The following PDIK1L variants were observed in gnomAD, a reference collection of about 807,000 sequenced individuals.
PDIK1L encodes the protein serine/threonine-protein kinase PDIK1L.
In PDIK1L, 9 loss-of-function variants were observed where a neutral mutation model predicts 27.1. The observed-to-expected ratio is 0.33, with a 90% CI of 0.20 to 0.58. The LOEUF (loss-of-function observed/expected upper bound fraction) is 0.58, where lower values mean the gene tolerates loss of function less well. PDIK1L is among the 20% of genes least tolerant of loss of function. PDIK1L has a pLI of 0.86. For synonymous variants in PDIK1L, 130 were observed against 141.7 expected (o/e 0.92, Z 0.59); for missense variants, 216 against 413.2 (o/e 0.52, Z 4.14).
Position 26,124,299 on chromosome 1 carries a change from A to C in PDIK1L, c.*1722A>C, listed in dbSNP as rs887856188. 6.6e-6 allele frequency: 1 copy of C among 152,226 alleles called. No individual in the cohort carries two copies. The highest frequency in any genetic ancestry group is 1.5e-5 in the Non-Finnish European group (1 of 68,026). 9.4% of individuals were successfully genotyped at this position (152,226 alleles called of 1,614,324 possible). ...GAAATAAAGCCTCTTAAAATGAAAA[A>C]TCATATACTTTTAACATCACTTTTA... On this transcript the variant is annotated 3_prime_UTR_variant, in exon 3 of 3. Transcript: ENST00000374269.
At chr1:26,116,761 G>T (rs2124470451) in intron 2 of PDIK1L, among the ~76,000 whole-genome samples, 1 of 152,272 alleles carries the variant, frequency 6.6e-6, no homozygotes. Flanking sequence ...TGTCGCCCAG[G>T]CTGGAGCGCA....
At chr1:26,111,250 G>C (rs55960411), upstream of PDIK1L, 25,407 of 154,056 alleles carry the variant, frequency 0.16, 2,289 homozygotes, top group Middle Eastern at 0.24. This position sits in a 1 kb window ranked among gnomAD's most constrained non-coding sequence, Gnocchi z 4.0. Flanking sequence ...GTGACTCGGA[G>C]AAAAGCTGCA....
At chr1:26,117,991 CG>C (rs2087909490) in intron 2 of PDIK1L, among the ~76,000 whole-genome samples, 1 of 150,264 alleles carries the variant, frequency 6.7e-6, no homozygotes, top group Admixed American at 6.7e-5. Context: ...GCCTTGGAGG[CG>C]GAAGTTACAG....
upstream of PDIK1L, chr1:26,111,533 C>G (rs1443455896): frequency 6.6e-6 from 1 of 151,434 alleles, no homozygotes; most frequent in African/African-American, 2.4e-5. This position sits in a 1 kb window ranked among gnomAD's most constrained non-coding sequence, Gnocchi z 4.0. Context: ...CCTGAGCGCC[C>G]GCTGCGGCTG....
chr1:26,120,713 G>A (rs907531333), intron 2 of PDIK1L, among the ~76,000 whole-genome samples: 1 of 152,194 alleles, frequency 6.6e-6, no homozygotes, highest in Non-Finnish European at 1.5e-5. Context: ...CAGCACTTTG[G>A]GAGGCCGAGG....
chr1:26,119,730 A>G (rs1366174768), intron 2 of PDIK1L, among the ~76,000 whole-genome samples: 1 of 152,000 alleles, frequency 6.6e-6, no homozygotes, highest in Non-Finnish European at 1.5e-5. Context: ...ATAGTGGCGC[A>G]TGCCTGTAGT....
chr1:26,118,875 ATTT>A (rs1387189097), intron 2 of PDIK1L, among the ~76,000 whole-genome samples: 3 of 152,228 alleles, frequency 2.0e-5, no homozygotes, highest in Admixed American at 6.5e-5. Context: ...CTCCATACGG[ATTT>A]TAATTTTTCT....
rs180970754 is a variant in PDIK1L, at chr1:26,117,054, C to T, written c.285+2461C>T. On this transcript the variant is annotated intron_variant, in intron 2 of 2. Transcript: ENST00000374269. ...TTTTTTTTTTTTTTCTTTTTTGAGACAGAGTCTTGCTCTGTCGCTCAGGCT... is the reference window on the plus strand; with the variant it reads ...TTTTTTTTTTTTTTCTTTTTTGAGATAGAGTCTTGCTCTGTCGCTCAGGCT... 2.8e-3 allele frequency among the ~76,000 whole-genome samples: 237 copies of T among 85,454 alleles called. 1 individual carries two copies. Among genetic ancestry groups the T allele is most frequent in the African/African-American group, 0.01 (221 of 21,512 alleles). 56.1% of individuals were successfully genotyped at this position (85,454 alleles called of 152,430 possible).
rs763876225 is a variant in PDIK1L, at chr1:26,122,385, T to G, written c.834T>G (p.Pro278=). The change falls in exon 3 of 3, where the codon CCT becomes CCG. Residue 278 remains proline, a synonymous_variant. Transcript: ENST00000374269. The surrounding 1 kb of genome is among the most constrained non-coding windows in gnomAD (Gnocchi z 5.4). The part of the protein sequence containing the change: ...SYVKQGTEIV[P]VGEALLENPK... ...TAAAACAAGGAACTGAGATTGTGCC[T>G]GTTGGGGAGGCACTTCTGGAAAATC... 1 of 1,614,142 alleles carries G rather than the reference T, an allele frequency of 6.2e-7. No individual in the cohort carries two copies. Among genetic ancestry groups the G allele is most frequent in the South Asian group, 1.1e-5 (1 of 91,080 alleles).
chr1:26,119,791 A>G (rs760570819), intron 2 of PDIK1L, among the ~76,000 whole-genome samples: 1 of 152,000 alleles, frequency 6.6e-6, no homozygotes, highest in Non-Finnish European at 1.5e-5. Context: ...CCTGGGAAGC[A>G]GAGGTTGCAG....
intron 1 of PDIK1L, chr1:26,112,380 G>C (rs1027603112): frequency 3.3e-5 from 5 of 152,316 alleles, no homozygotes; most frequent in African/African-American, 1.2e-4. Flanking sequence ...TCGGTCGAAA[G>C]TCACTTAGGT....
chr1:26,124,297 A>G lies in PDIK1L; in HGVS notation c.*1720A>G, dbSNP rs953345843. ...TTGAAATAAAGCCTCTTAAAATGAA[A>G]AATCATATACTTTTAACATCACTTT... is the stretch of plus-strand genomic sequence containing the variant. On this transcript the variant is annotated 3_prime_UTR_variant, in exon 3 of 3. Transcript: ENST00000374269. 6.6e-6 allele frequency: 1 copy of G among 152,224 alleles called. No homozygotes were observed. 9.4% of individuals were successfully genotyped at this position (152,224 alleles called of 1,614,324 possible).
intron 1 of PDIK1L, 98 bp downstream of exon 1, chr1:26,112,013 G>A (rs1440506777): frequency 6.6e-6 from 1 of 152,244 alleles, no homozygotes; most frequent in Non-Finnish European, 1.5e-5. Flanking sequence ...AGACGTGTCA[G>A]CGGAGTCATC....
At chr1:26,115,511 T>A (rs111558492) in intron 2 of PDIK1L, among the ~76,000 whole-genome samples, 9 of 152,312 alleles carry the variant, frequency 5.9e-5, no homozygotes, top group African/African-American at 2.2e-4. Context: ...TTAAAGCTAG[T>A]CATTCTTGGG....
chr1:26,113,477 G>A (rs2087830380), intron 1 of PDIK1L, among the ~76,000 whole-genome samples: 1 of 144,964 alleles, frequency 6.9e-6, no homozygotes, highest in Non-Finnish European at 1.5e-5. Context: ...GGGAGACAGA[G>A]CGAGAGAGCG....
In PDIK1L at chr1:26,121,769, T is replaced by G; in HGVS notation, c.286-68T>G. ...GGAGACTGACTTAACCTTTCAATTA[T>G]TATTTTCCTATAACTGAATTGTATA... On this transcript the variant is annotated intron_variant, in intron 2 of 2. Transcript: ENST00000374269. 3.4e-6 allele frequency: 5 copies of G among 1,458,178 alleles called. No individual in the cohort carries two copies. In the South Asian group the frequency reaches 5.5e-5, roughly 16 times the overall value. The allele number at this position is 1,458,178 out of a possible 1,614,324, so 90.3% of individuals were successfully genotyped here.
intron 2 of PDIK1L, among the ~76,000 whole-genome samples, chr1:26,119,122 CGTT>C (rs1310193465): frequency 1.3e-5 from 2 of 152,196 alleles, no homozygotes; most frequent in Non-Finnish European, 2.9e-5. Context: ...AGTTACGAAT[CGTT>C]GGCTGGACGC....
chr1:26,113,658 T>C (rs1260841523), intron 1 of PDIK1L, among the ~76,000 whole-genome samples: 7 of 152,218 alleles, frequency 4.6e-5, no homozygotes, highest in African/African-American at 1.7e-4. Flanking sequence ...TTTTCAGTTC[T>C]ATAAATGATT....
In PDIK1L at chr1:26,123,790, T is replaced by C. The variant is rs111876011; in HGVS notation, c.*1213T>C. On this transcript the variant is annotated 3_prime_UTR_variant, in exon 3 of 3. Transcript: ENST00000374269. The stretch of plus-strand genomic sequence containing the variant: ...TAAAATATTGTGGCATCAACTACTT[T>C]TAAAGTAGAAAAGCTATCCATTTTA... The C allele has an allele frequency of 8.1e-3, 1,245 of 152,762 alleles. 15 individuals carry two copies. Among genetic ancestry groups the C allele is most frequent in the Admixed American group, 0.011 (173 of 15,300 alleles). The allele number at this position is 152,762 out of a possible 1,614,324, so 9.5% of individuals were successfully genotyped here.
Sources: allele counts gnomAD v4.1 joint callset (sites outside exome capture counted in the v4.1 genomes callset), GRCh38; gene constraint gnomAD v4.1.1; non-coding constraint Gnocchi (gnomAD v3.1); transcripts MANE v1.5; gene names NCBI Gene and HGNC (gene_info 2026-07-23, HGNC 2026-07-21).